The following KDM6B variants were observed in gnomAD, a reference collection of about 807,000 sequenced individuals.
The protein encoded by KDM6B is lysine demethylase 6B.
Under a neutral mutation model 150.4 loss-of-function variants are expected in KDM6B, and 22 were observed. The ratio of observed to expected loss-of-function variants is 0.15; its 90% CI spans 0.10 to 0.21. The LOEUF is 0.21. Ranked by LOEUF, KDM6B falls within the 10% of genes least tolerant of loss-of-function variation. KDM6B has a pLI of 1.00. For synonymous variants in KDM6B, 1,148 were observed against 921.1 expected (o/e 1.25, Z -4.46); for missense variants, 1,984 against 2,234.3 (o/e 0.89, Z 2.26).
rs1275218390 is a variant in KDM6B, at chr17:7,844,292, G to T, written c.-268-609G>T. On this transcript the variant is annotated intron_variant, in intron 2 of 23. Transcript: ENST00000448097. This position sits in a 1 kb window ranked among gnomAD's most constrained non-coding sequence, Gnocchi z 5.9. ...GGGGGACTAAAAGGGGTCTGATTTT[G>T]GGGGTCGGTCGGTATTGAAGACCCA... 6.6e-6 allele frequency: 1 copy of T among 152,358 alleles called. No homozygotes were observed. Among genetic ancestry groups the T allele is most frequent in the African/African-American group, 2.4e-5 (1 of 41,452 alleles). 9.4% of individuals were successfully genotyped at this position (152,358 alleles called of 1,614,324 possible).
intron 1 of KDM6B, among the ~76,000 whole-genome samples, chr17:7,839,536 G>A (rs2078383682): frequency 6.6e-6 from 1 of 152,168 alleles, no homozygotes; most frequent in Admixed American, 6.5e-5. Flanking sequence ...GCTGAAGGAA[G>A]AGGGTCTGCA....
Position 7,846,594 on chromosome 17 carries a change from G to A in KDM6B, c.565G>A (p.Gly189Arg), listed in dbSNP as rs2078544010. 6.2e-7 allele frequency: 1 copy of A among 1,613,982 alleles called. No homozygotes were observed. Among genetic ancestry groups the A allele is most frequent in the Non-Finnish European group, 8.5e-7 (1 of 1,180,008 alleles). ...TTGTTCTCAGCACAAACGGAACTATGGAGCCAAGCGGGGAGGTCCCCCGGT... is the reference window on the plus strand; with the variant it reads ...TTGTTCTCAGCACAAACGGAACTATAGAGCCAAGCGGGGAGGTCCCCCGGT... Reference protein sequence around the residue: ...LLHLEHKRNYGAKRGGPPVKR... With the variant: ...LLHLEHKRNYRAKRGGPPVKR... Residue 189 changes from glycine (G) to arginine (R), a missense_variant, in exon 9 of 24, where the codon GGA (glycine) becomes AGA (arginine). By Grantham distance (125) the Gly-to-Arg change is moderately radical. This residue lies in a region of KDM6B where 337 missense variants were observed against 323.9 expected (regional missense o/e 1.04). Transcript: ENST00000448097.
At position 7,848,535 on chromosome 17, in the gene KDM6B, C is replaced by T. The variant is rs1283079899; in HGVS notation, c.2247C>T (p.Val749=). The T allele has an allele frequency of 5.6e-6, 9 of 1,609,200 alleles. No homozygotes were observed. The East Asian group carries it at 6.7e-5, about 12-fold the overall frequency. Residue 749 remains valine, a synonymous_variant, in exon 12 of 24, where the codon GTC becomes GTT. Transcript: ENST00000448097. ...DTAPTTTAPA[V]AVTTTTTTTT... is the part of the protein sequence containing the mutation. ...CCCCCACCACTACTGCTCCTGCTGT[C>T]GCCGTCACCACCACCACCACCACCA...
At position 7,845,434 on chromosome 17, in the gene KDM6B, C is replaced by A; in HGVS notation, c.-28C>A. ...AGGGGGCCGTGCCCAATCTCCAGGG[C>A]TCCTGGGGCCACTGCTGACCTGGTA... On this transcript the variant is annotated 5_prime_UTR_variant, in exon 4 of 24. Transcript: ENST00000448097. 1.6e-6 allele frequency: 2 copies of A among 1,263,552 alleles called. No individual in the cohort carries two copies. The highest frequency in any genetic ancestry group is 2.3e-6 in the Non-Finnish European group (2 of 863,400). The allele number at this position is 1,263,552 out of a possible 1,614,324, so 78.3% of individuals were successfully genotyped here.
rs919230138 is a variant in KDM6B, at chr17:7,847,836, A to G, written c.1548A>G (p.Pro516=). 56 of 402,194 alleles carry G rather than the reference A, an allele frequency of 1.4e-4. No homozygotes were observed. The highest frequency in any genetic ancestry group is 3.2e-4 in the East Asian group (5 of 15,716). The allele number at this position is 402,194 out of a possible 1,614,324, so 24.9% of individuals were successfully genotyped here. ...FGTEGPPRPA[P]PPLPHREGFL... ...CTGAGGGACCCCCCCGCCCTGCCCC[A>G]CCACCCCTCCCCCATCGCGAGGGCT... The change falls in exon 12 of 24, where the codon CCA becomes CCG. Residue 516 remains proline (P), a synonymous_variant. Coordinates refer to ENST00000448097, the MANE Select transcript of KDM6B (RefSeq NM_001348716.2).
chr17:7,838,939 T>G (rs1251033467), intron 1 of KDM6B, among the ~76,000 whole-genome samples: 3 of 151,816 alleles, frequency 2.0e-5, no homozygotes, highest in African/African-American at 4.8e-5. Context: ...CACAGAAGCT[T>G]GCGGAACATT....
rs547418862 is a variant in KDM6B, at chr17:7,852,924, C to T, written c.4611-76C>T. The T allele has an allele frequency of 9.0e-4, 1,442 of 1,599,854 alleles. 2 individuals are homozygous for T. Among genetic ancestry groups the T allele is most frequent in the Middle Eastern group, 1.4e-3 (8 of 5,654 alleles). ...AGGGGAGGGCCCTGGGGCTGCCCAC[C>T]CCTCTGCCCTTGCTCCAGCCCTGCC... On this transcript the variant is annotated intron_variant, in intron 21 of 23. Transcript: ENST00000448097.
In KDM6B at chr17:7,847,436, A is replaced by C. The variant is rs2078577321; in HGVS notation, c.1241A>C (p.Glu414Ala). The change falls in exon 11 of 24, where the codon GAG (glutamate) becomes GCG (alanine). Residue 414 changes from glutamate (E) to alanine (A), a missense_variant. This residue lies in a region of KDM6B where 1,379 missense variants were observed against 1,275.6 expected (regional missense o/e 1.08). Transcript: ENST00000448097. ...AGCAACACTGGTCTCCGGGGCGTGG[A>C]GCCGAACCCAGGCATTGTGAGTGAC... ...SSSNTGLRGV[E>A]PNPGIPGADH... 2 of 1,613,482 alleles carry C rather than the reference A, an allele frequency of 1.2e-6. No individual in the cohort carries two copies. Among genetic ancestry groups the C allele is most frequent in the African/African-American group, 2.7e-5 (2 of 74,868 alleles).
Position 7,854,003 on chromosome 17 carries a change from G to A in KDM6B, c.*482G>A, listed in dbSNP as rs1000018764. On this transcript the variant is annotated 3_prime_UTR_variant, in exon 24 of 24. Coordinates refer to ENST00000448097, the MANE Select transcript of KDM6B (RefSeq NM_001348716.2). ...CTTTTTTACTTCCAATGCTAGCTGT[G>A]ACCCCTGTACATGTCTCTTTATTCA... The A allele has an allele frequency of 2.6e-5, 4 of 154,316 alleles. No homozygotes were observed. Among genetic ancestry groups the A allele is most frequent in the East Asian group, 1.9e-4 (1 of 5,232 alleles). 9.6% of individuals were successfully genotyped at this position (154,316 alleles called of 1,614,324 possible).
chr17:7,846,103 G>C lies in KDM6B; in HGVS notation c.262G>C (p.Gly88Arg). 2 of 1,570,260 alleles carry C rather than the reference G, an allele frequency of 1.3e-6. No individual in the cohort carries two copies. ...GGCGCCCACTCCAAGACCCCTCCAT[G>C]GGAAGCTGGAATCCCTGCATGGCTG... ...PGAPTPRPLH[G>R]KLESLHGCVQ... is the part of the protein sequence containing the mutation. The change falls in exon 7 of 24, where the codon GGG becomes CGG. Residue 88 changes from glycine to arginine, a missense_variant. By Grantham distance (125) the Gly-to-Arg change is moderately radical (BLOSUM62 -2). This residue lies in a region of KDM6B where 337 missense variants were observed against 323.9 expected (regional missense o/e 1.04). Transcript: ENST00000448097.
At chr17:7,836,152 C>A (rs2078330600) in intron 1 of KDM6B, among the ~76,000 whole-genome samples, 1 of 152,252 alleles carries the variant, frequency 6.6e-6, no homozygotes, top group Admixed American at 6.5e-5. Flanking sequence ...CGGAGGAGGG[C>A]ACTGCGGGGA....
rs2078640586 is a variant in KDM6B at position 7,849,285 on chromosome 17, T to C, written c.2997T>C (p.Arg999=). The C allele has an allele frequency of 1.5e-5, 23 of 1,555,584 alleles. No homozygotes were observed. Among genetic ancestry groups the C allele is most frequent in the Non-Finnish European group, 1.8e-5 (21 of 1,149,514 alleles). The change falls in exon 12 of 24, where the codon CGT becomes CGC. Residue 999 remains arginine (R), a synonymous_variant. Transcript: ENST00000448097. The part of the protein sequence containing the change: ...ACKDSVGRRP[R]EGRAKAKAKV... ...AGGACAGTGTGGGTCGTCGGCCCCG[T>C]GAGGGCAGGGCAAAGGCCAAGGCCA...
rs375393838 is a variant in KDM6B at position 7,849,177 on chromosome 17, C to T, written c.2889C>T (p.Gly963=). The T allele has an allele frequency of 8.4e-5, 135 of 1,608,962 alleles. 1 individual carries two copies. Among genetic ancestry groups the T allele is most frequent in the South Asian group, 2.8e-4 (25 of 90,552 alleles). ...LPPAQAKEEA[G]GVAAVSGSCK... is the part of the protein sequence containing the mutation. Reference sequence around the variant, plus strand: ...CCGCACAGGCCAAGGAGGAGGCTGGCGGGGTGGCGGCAGTGTCAGGCAGCT... The same window carrying T: ...CCGCACAGGCCAAGGAGGAGGCTGGTGGGGTGGCGGCAGTGTCAGGCAGCT... The change falls in exon 12 of 24, where the codon GGC becomes GGT. Residue 963 remains glycine (G), a synonymous_variant. Coordinates refer to ENST00000448097, the MANE Select transcript of KDM6B (RefSeq NM_001348716.2).
chr17:7,848,894 C>T lies in KDM6B; in HGVS notation c.2606C>T (p.Ser869Phe), dbSNP rs200731654. 1.9e-4 allele frequency: 299 copies of T among 1,607,450 alleles called. No homozygotes were observed. Among genetic ancestry groups the T allele is most frequent in the Non-Finnish European group, 2.4e-4 (277 of 1,176,328 alleles). The change falls in exon 12 of 24, where the codon TCT becomes TTT. Residue 869 changes from serine to phenylalanine, a missense_variant. Around this residue, in one of 13 missense-constraint regions of KDM6B, gnomAD observed 1,379 missense variants for 1,275.6 expected, o/e 1.08. Coordinates refer to ENST00000448097, the MANE Select transcript of KDM6B (RefSeq NM_001348716.2). ...CCACAGCCCTCTGCTTCCTCGTCAT[C>T]TCAGTTCTCTACCTCAGGCGGGCCC... ...GSPQPSASSSSQFSTSGGPWA... is the reference protein window; with the variant it reads ...GSPQPSASSSFQFSTSGGPWA...
chr17:7,836,811 A>C (rs2078340143), intron 1 of KDM6B, among the ~76,000 whole-genome samples: 1 of 152,142 alleles, frequency 6.6e-6, no homozygotes, highest in African/African-American at 2.4e-5. Flanking sequence ...TAGCCAGCAC[A>C]CCCACTCCGC....
At position 7,849,018 on chromosome 17, in the gene KDM6B, G is replaced by T; in HGVS notation, c.2730G>T (p.Glu910Asp). The change falls in exon 12 of 24, where the codon GAG becomes GAT. Residue 910 changes from glutamate to aspartate, a missense_variant. Physicochemically the swap from Glu to Asp is conservative, Grantham distance 45 (BLOSUM62 2). Transcript: ENST00000448097. ...TATCTCTGCCCCCTGCTCGCTCTGA[G>T]TCTGAGGTGCTAGAAGAGATCAGCC... ...PPLSLPPARS[E>D]SEVLEEISRA... The T allele has an allele frequency of 6.2e-7, 1 of 1,603,862 alleles. No individual in the cohort carries two copies.
Position 7,846,446 on chromosome 17 carries a change from A to G in KDM6B, c.503A>G (p.Lys168Arg), listed in dbSNP as rs757680908. 3 of 1,597,198 alleles carry G rather than the reference A, an allele frequency of 1.9e-6. No homozygotes were observed. In the South Asian group the frequency reaches 3.3e-5, roughly 18 times the overall value. Residue 168 changes from lysine to arginine, a missense_variant, in exon 8 of 24, where the codon AAG (lysine) becomes AGG (arginine). Lys to Arg is a conservative substitution (Grantham distance 26). Around this residue, in one of 13 missense-constraint regions of KDM6B, gnomAD observed 337 missense variants for 323.9 expected, o/e 1.04. Transcript: ENST00000448097. ...ACTGGCTCCTGCCAGCACCGAGCCAAGGTCCTGCCCCCACTGGAGCAAGTG... is the reference window on the plus strand; with the variant it reads ...ACTGGCTCCTGCCAGCACCGAGCCAGGGTCCTGCCCCCACTGGAGCAAGTG... Reference protein sequence around the residue: ...FHTGSCQHRAKVLPPLEQVWN... With the variant: ...FHTGSCQHRARVLPPLEQVWN...
Position 7,853,056 on chromosome 17 carries a change from G to T in KDM6B, c.4667G>T (p.Arg1556Leu), listed in dbSNP as rs2078734075. 1 of 1,614,050 alleles carries T rather than the reference G, an allele frequency of 6.2e-7. No homozygotes were observed. The highest frequency in any genetic ancestry group is 8.5e-7 in the Non-Finnish European group (1 of 1,180,000). The change falls in exon 22 of 24, where the codon CGG (arginine) becomes CTG (leucine). Residue 1556 changes from arginine to leucine, a missense_variant. Around this residue, in one of 13 missense-constraint regions of KDM6B, gnomAD observed 18 missense variants for 23.6 expected, o/e 0.76. Coordinates refer to ENST00000448097, the MANE Select transcript of KDM6B (RefSeq NM_001348716.2). ...CAGGTGCAACGCGAGAGCCTGGTGC[G>T]GGCAGGGAAGAAAATCGCTTACCAG... ...HCQVQRESLV[R>L]AGKKIAYQGR... is the part of the protein sequence containing the mutation.
At position 7,847,541 on chromosome 17, in the gene KDM6B, T is replaced by G; in HGVS notation, c.1258-5T>G. On this transcript the variant is annotated splice_polypyrimidine_tract_variant and splice_region_variant and intron_variant, in intron 11 of 23. Coordinates refer to ENST00000448097, the MANE Select transcript of KDM6B (RefSeq NM_001348716.2). ...TGCTCCTACCACCTGCTTCTACACT[T>G]GCAGCCCGGCGCTGACCATTACCAA... 6.2e-7 allele frequency: 1 copy of G among 1,613,158 alleles called. No homozygotes were observed. The highest frequency in any genetic ancestry group is 8.5e-7 in the Non-Finnish European group (1 of 1,179,898).
Sources: gnomAD v4.1 joint callset for allele counts (sites outside exome capture counted in the v4.1 genomes callset) on GRCh38, gnomAD v4.1.1 for gene constraint, gnomAD v4.1.1 regional missense constraint, Gnocchi (gnomAD v3.1) non-coding constraint, MANE v1.5 for transcripts, NCBI Gene and HGNC (gene_info 2026-07-23, HGNC 2026-07-21) for gene names.